MEGF10: variants seen among roughly 807,000 people sequenced by gnomAD.
MEGF10 encodes the protein multiple epidermal growth factor-like domains protein 10.
A neutral mutation model predicts 147.5 loss-of-function variants in MEGF10; 86 were observed. That is an observed-to-expected ratio of 0.58 (90% CI 0.49 to 0.70). The LOEUF (loss-of-function observed/expected upper bound fraction) is 0.70, where lower values mean the gene tolerates loss of function less well. Among genes scored for constraint, MEGF10 ranks in the 30% least tolerant of loss-of-function variants. MEGF10 has a pLI of 0.00. For missense variants in MEGF10, 1,329 were observed against 1,487.3 expected, an observed-to-expected ratio of 0.89 and a Z score of 1.75; for synonymous variants, 478 against 525.5, an observed-to-expected ratio of 0.91 and a Z score of 1.24.
chr5:127,391,118 A>ACACACG, intron 5 of MEGF10, among the ~76,000 whole-genome samples: 1 of 70,246 alleles, frequency 1.4e-5, no homozygotes, highest in South Asian at 5.1e-4. Flanking sequence ...ACACACACAC[A>ACACACG]CACACACACA....
At position 127,460,229 on chromosome 5, in the gene MEGF10, T is replaced by A. The variant is rs182225709; in HGVS notation, c.*2911T>A. On this transcript the variant is annotated 3_prime_UTR_variant, in exon 25 of 25. Transcript: ENST00000503335. ...CCTTAGAAGTTGATGTATCAGAAAATTTATAAGTTATTTGTATTTATATAT... is the reference window on the plus strand; with the variant it reads ...CCTTAGAAGTTGATGTATCAGAAAAATTATAAGTTATTTGTATTTATATAT... 6.6e-6 allele frequency: 1 copy of A among 152,198 alleles called. No individual in the cohort carries two copies. Among genetic ancestry groups the A allele is most frequent in the African/African-American group, 2.4e-5 (1 of 41,458 alleles). 9.4% of individuals were successfully genotyped at this position (152,198 alleles called of 1,614,324 possible). A position where few individuals can be genotyped will look rare whatever the true frequency, so the allele number is the denominator to read the frequency against.
At chr5:127,267,445 T>A in the MEGF10 span, among the ~76,000 whole-genome samples, 12 of 152,300 alleles carry the variant, frequency 7.9e-5, 1 homozygote, top group Admixed American at 5.2e-4. Flanking sequence ...ATAAAATGAG[T>A]TAGGGAGGCT....
chr5:127,309,994 T>TTTCTTTCTTTCCTTCCTTCC (rs781685715), intron 1 of MEGF10, among the ~76,000 whole-genome samples: 4 of 56,864 alleles, frequency 7.0e-5, no homozygotes, highest in African/African-American at 2.8e-4. Flanking sequence ...TCTTTCTTTC[T>TTTCTTTCTTTCCTTCCTTCC]TTCCTTCCTT....
intron 22 of MEGF10, among the ~76,000 whole-genome samples, chr5:127,450,540 G>A (rs558556233): frequency 4.5e-4 from 69 of 152,176 alleles, no homozygotes; most frequent in African/African-American, 7.5e-4. Context: ...AGTGTCTTAC[G>A]GATAGCAAAT....
At chr5:127,334,685 A>G (rs2126790089) in intron 2 of MEGF10, among the ~76,000 whole-genome samples, 1 of 152,296 alleles carries the variant, frequency 6.6e-6, no homozygotes, top group African/African-American at 2.4e-5. Flanking sequence ...GAAATTATCT[A>G]TTCCTTCTCC....
At chr5:127,318,984 T>G (rs1010506711) in intron 1 of MEGF10, among the ~76,000 whole-genome samples, 1 of 152,112 alleles carries the variant, frequency 6.6e-6, no homozygotes, top group African/African-American at 2.4e-5. Flanking sequence ...CAATTCTAAA[T>G]CTTGTTCCAA....
chr5:127,247,467 G>GAAGAAGAAGAAGAAGAAGAAGAAGAAC, the MEGF10 span, among the ~76,000 whole-genome samples: 1 of 117,140 alleles, frequency 8.5e-6, no homozygotes, highest in Non-Finnish European at 1.7e-5. Context: ...AGAAGAAGAA[G>GAAGAAGAAGAAGAAGAAGAAGAAGAAC]AAGAAGAAGA....
At chr5:127,283,036 C>T in the MEGF10 span, among the ~76,000 whole-genome samples, 9 of 152,134 alleles carry the variant, frequency 5.9e-5, no homozygotes, top group African/African-American at 2.2e-4. Context: ...TAACTTTGGG[C>T]CTCCCAGCTG....
chr5:127,345,625 C>T (rs1761855615), intron 4 of MEGF10, among the ~76,000 whole-genome samples: 1 of 152,080 alleles, frequency 6.6e-6, no homozygotes, highest in South Asian at 2.1e-4. Flanking sequence ...ATTTGTTCAT[C>T]CTTTAAGATT....
chr5:127,366,644 A>G (rs1486514993), intron 4 of MEGF10, among the ~76,000 whole-genome samples: 1 of 152,226 alleles, frequency 6.6e-6, no homozygotes, highest in Non-Finnish European at 1.5e-5. Context: ...ACTTTGGCCA[A>G]ATGTTAGCTC....
intron 2 of MEGF10, among the ~76,000 whole-genome samples, chr5:127,338,894 T>G (rs1456871698): frequency 6.6e-6 from 1 of 152,082 alleles, no homozygotes; most frequent in African/African-American, 2.4e-5. Context: ...GAGAATTTTC[T>G]TTAAAATTTA....
chr5:127,264,491 G>C, the MEGF10 span, among the ~76,000 whole-genome samples: 1 of 152,154 alleles, frequency 6.6e-6, no homozygotes, highest in Non-Finnish European at 1.5e-5. Flanking sequence ...AAAGTATAGT[G>C]ATAATCTTAC....
chr5:127,385,015 T>A (rs1433475980), intron 5 of MEGF10, among the ~76,000 whole-genome samples: 1 of 152,178 alleles, frequency 6.6e-6, no homozygotes, highest in Admixed American at 6.5e-5. Flanking sequence ...AGGGTGTATG[T>A]TTCAGGAAGA....
At chr5:127,247,389 GAAGAAGAAGAAGAAGAAGAAGAA>G in the MEGF10 span, among the ~76,000 whole-genome samples, 1 of 29,654 alleles carries the variant, frequency 3.4e-5, no homozygotes, top group African/African-American at 1.4e-4. Context: ...AGAAGAAGAA[GAAGAAGAAGAAGAAGAAGAAGAA>G]GAAGAAGAAG....
chr5:127,302,039 C>CA (rs994520846), intron 1 of MEGF10, among the ~76,000 whole-genome samples: 3 of 152,134 alleles, frequency 2.0e-5, no homozygotes, highest in East Asian at 3.8e-4. Flanking sequence ...TGTTACTAAA[C>CA]AAAAAATTAT....
intron 5 of MEGF10, among the ~76,000 whole-genome samples, chr5:127,393,471 A>G (rs1199172861): frequency 1.3e-5 from 2 of 152,212 alleles, no homozygotes; most frequent in African/African-American, 4.8e-5. Context: ...AAGAAAGGAA[A>G]GGAAGTCACG....
At chr5:127,246,936 G>GTATATATTATACAATAATATATA in the MEGF10 span, among the ~76,000 whole-genome samples, 3 of 4,058 alleles carry the variant, frequency 7.4e-4, no homozygotes, top group South Asian at 0.012. Context: ...AATAATATAT[G>GTATATATTATACAATAATATATA]ATTATATTAT....
chr5:127,456,017 A>G (rs1311172590), intron 24 of MEGF10, among the ~76,000 whole-genome samples: 1 of 152,194 alleles, frequency 6.6e-6, no homozygotes, highest in Non-Finnish European at 1.5e-5. Context: ...TTCCAGGGAA[A>G]ATATTATTTA....
At chr5:127,360,574 C>T (rs932493894) in intron 4 of MEGF10, among the ~76,000 whole-genome samples, 1 of 151,860 alleles carries the variant, frequency 6.6e-6, no homozygotes, top group Non-Finnish European at 1.5e-5. Context: ...TAGAGGAAAG[C>T]ATTTCATTCT....
Sources: allele counts gnomAD v4.1 joint callset (sites outside exome capture counted in the v4.1 genomes callset), GRCh38; gene constraint gnomAD v4.1.1; transcripts MANE v1.5; gene names NCBI Gene and HGNC (gene_info 2026-07-23, HGNC 2026-07-21).